KCNIP4: variants seen among roughly 807,000 people sequenced by gnomAD.
The protein encoded by KCNIP4 is Kv channel-interacting protein 4.
In KCNIP4, 12 loss-of-function variants were observed where a neutral mutation model predicts 34.0. That is an observed-to-expected ratio of 0.35 (90% CI 0.23 to 0.57). The LOEUF (loss-of-function observed/expected upper bound fraction) is 0.57. Among genes scored for constraint, KCNIP4 ranks in the 20% least tolerant of loss-of-function variants. The probability of loss-of-function intolerance (pLI) is 0.83; values close to 1 mark genes in which losing one functional copy is unlikely to be tolerated. For synonymous variants in KCNIP4, 124 were observed against 102.2 expected (o/e 1.21, Z -1.29); for missense variants, 238 against 311.7 (o/e 0.76, Z 1.78).
chr4:21,618,703 G>A (rs1744785972), intron 1 of KCNIP4, among the ~76,000 whole-genome samples: 1 of 141,372 alleles, frequency 7.1e-6, no homozygotes, highest in Admixed American at 7.6e-5. Context: ...CGTGATCTTG[G>A]CTCACTGCAA....
intron 1 of KCNIP4, among the ~76,000 whole-genome samples, chr4:21,200,700 C>T (rs1431885815): frequency 6.6e-6 from 1 of 151,830 alleles, no homozygotes. Context: ...GTAGGCTACT[C>T]TGGTGATGCG....
At chr4:21,846,316 G>C (rs1359800659) in intron 1 of KCNIP4, 3 of 152,030 alleles carry the variant, frequency 2.0e-5, no homozygotes, top group African/African-American at 7.2e-5. Context: ...TACACATATA[G>C]AAAGATAAAG....
At position 20,775,832 on chromosome 4, in the gene KCNIP4, G is replaced by A. The variant is rs182935474; in HGVS notation, c.289-16942C>T. 7.2e-5 allele frequency among the ~76,000 whole-genome samples: 11 copies of A among 152,150 alleles called. No individual in the cohort carries two copies. In the East Asian group the frequency reaches 2.1e-3, roughly 29 times the overall value. On this transcript the variant is annotated intron_variant, in intron 3 of 8. Coordinates refer to ENST00000382152, the MANE Select transcript of KCNIP4 (RefSeq NM_025221.6). ...ATAAGTCTCCATTATATTATCTTAG[G>A]GGCTAAGTATCCTTCAGGAGGGCAG...
intron 1 of KCNIP4, among the ~76,000 whole-genome samples, chr4:21,666,090 T>C (rs555383994): frequency 6.6e-6 from 1 of 152,368 alleles, no homozygotes; most frequent in Non-Finnish European, 1.5e-5. Context: ...AGAAGAATTT[T>C]AGTTTCCCTT....
At chr4:21,327,902 G>A (rs1229116268) in intron 1 of KCNIP4, among the ~76,000 whole-genome samples, 1 of 151,750 alleles carries the variant, frequency 6.6e-6, no homozygotes, top group Admixed American at 6.6e-5. Context: ...CTTGATTCTA[G>A]TTAATTATTT....
At chr4:21,598,564 A>G (rs528045893) in intron 1 of KCNIP4, among the ~76,000 whole-genome samples, 1 of 152,176 alleles carries the variant, frequency 6.6e-6, no homozygotes, top group East Asian at 1.9e-4. Flanking sequence ...CCTATGATTG[A>G]TGATGAGGGT....
intron 1 of KCNIP4, among the ~76,000 whole-genome samples, chr4:21,380,464 A>AGAGAGGGAGAGAGAGAGAGAGAGAGG (rs1721393972): frequency 9.3e-6 from 1 of 107,324 alleles, no homozygotes; most frequent in African/African-American, 4.0e-5. Context: ...AGGGGGAGAG[A>AGAGAGGGAGAGAGAGAGAGAGAGAGG]GAGAGAGAGA....
intron 1 of KCNIP4, among the ~76,000 whole-genome samples, chr4:21,594,145 T>C (rs1051708488): frequency 1.3e-5 from 2 of 152,088 alleles, no homozygotes; most frequent in African/African-American, 4.8e-5. Flanking sequence ...ACAGCAACAA[T>C]GTAAAGAAAG....
At position 21,520,011 on chromosome 4, in the gene KCNIP4, G is replaced by A. The variant is rs181244590; in HGVS notation, c.61+428560C>T. Among the ~76,000 whole-genome samples, 455 of 151,994 alleles carry A rather than the reference G, an allele frequency of 3.0e-3. 1 individual carries two copies. Among genetic ancestry groups the A allele is most frequent in the Middle Eastern group, 6.8e-3 (2 of 294 alleles). ...AAGTCCCAAAACTGAAGAACTTGGA[G>A]TGCGATGTTTGAGGGAAGGAAGCAT... is the stretch of plus-strand genomic sequence containing the variant. On this transcript the variant is annotated intron_variant, in intron 1 of 8. Transcript: ENST00000382152.
chr4:21,362,157 G>A (rs926977942), intron 1 of KCNIP4, among the ~76,000 whole-genome samples: 1 of 152,034 alleles, frequency 6.6e-6, no homozygotes, highest in Non-Finnish European at 1.5e-5. Context: ...TGTTGTCTAG[G>A]GAAGACAAAG....
chr4:21,328,720 G>A (rs1018323052), intron 1 of KCNIP4, among the ~76,000 whole-genome samples: 4 of 152,220 alleles, frequency 2.6e-5, no homozygotes, highest in African/African-American at 9.6e-5. Flanking sequence ...CCAGGAGCCA[G>A]GGCCTGGAGT....
intron 3 of KCNIP4, among the ~76,000 whole-genome samples, chr4:20,803,740 A>G (rs1714711914): frequency 1.4e-5 from 2 of 144,770 alleles, no homozygotes; most frequent in South Asian, 2.2e-4. Context: ...GAAGGAAGGA[A>G]GGAAGGAAGG....
chr4:21,267,095 T>A (rs181360200), intron 1 of KCNIP4, among the ~76,000 whole-genome samples: 2 of 152,196 alleles, frequency 1.3e-5, no homozygotes, highest in African/African-American at 4.8e-5. Context: ...AATAGAACGA[T>A]GTGATGCTTG....
intron 1 of KCNIP4, among the ~76,000 whole-genome samples, chr4:21,364,067 G>A (rs1179058349): frequency 6.6e-6 from 1 of 152,112 alleles, no homozygotes; most frequent in East Asian, 1.9e-4. Context: ...AGCCTCATAA[G>A]TTATCTCTGC....
rs1741979637 is a variant in KCNIP4 at position 21,589,342 on chromosome 4, ATGTG to A, written c.61+359225_61+359228del. ...TACATATACACGTGTATATATATACATGTGTATGTATATATGTACATATATATAT... is the reference window on the plus strand; with the variant it reads ...TACATATACACGTGTATATATATACATATGTATATATGTACATATATATAT... On this transcript the variant is annotated intron_variant, in intron 1 of 8. Transcript: ENST00000382152. Among the ~76,000 whole-genome samples, 6 of 148,370 alleles carry A rather than the reference ATGTG, an allele frequency of 4.0e-5. No homozygotes were observed. In the South Asian group the frequency reaches 1.1e-3, roughly 26 times the overall value.
chr4:21,058,994 T>C (rs900193395), intron 1 of KCNIP4, among the ~76,000 whole-genome samples: 2 of 152,138 alleles, frequency 1.3e-5, no homozygotes, highest in African/African-American at 4.8e-5. Context: ...TGAGATCTGA[T>C]GATTTTATGA....
chr4:21,346,062 G>A (rs1468764193), intron 1 of KCNIP4, among the ~76,000 whole-genome samples: 1 of 132,496 alleles, frequency 7.5e-6, no homozygotes, highest in African/African-American at 2.8e-5. Context: ...CCCAACTCGG[G>A]CAGTGTAATA....
At position 21,798,644 on chromosome 4, in the gene KCNIP4, GA is replaced by G. The variant is rs554723370; in HGVS notation, c.61+149926del. 2.0e-5 allele frequency among the ~76,000 whole-genome samples: 3 copies of G among 151,130 alleles called. No homozygotes were observed. In the South Asian group the frequency reaches 6.3e-4, roughly 32 times the overall value. On this transcript the variant is annotated intron_variant, in intron 1 of 8. Transcript: ENST00000382152. ...ATTCTCCAATAGATTAAGAGAATGA[GA>G]AAAAAATAAGCTGTTAAGCTTTTTG...
At chr4:21,222,173 A>C (rs2109001775) in intron 1 of KCNIP4, among the ~76,000 whole-genome samples, 1 of 152,294 alleles carries the variant, frequency 6.6e-6, no homozygotes. Context: ...AAATAGGATA[A>C]CCCCAAAGAG....
Sources: allele counts gnomAD v4.1 joint callset (sites outside exome capture counted in the v4.1 genomes callset), GRCh38; gene constraint gnomAD v4.1.1; transcripts MANE v1.5; gene names NCBI Gene and HGNC (gene_info 2026-07-23, HGNC 2026-07-21).